Variants in TANC2 observed in about 807,000 individuals in gnomAD.
TANC2 encodes protein TANC2.
A neutral mutation model predicts 210.5 loss-of-function variants in TANC2; 26 were observed. That is an observed-to-expected ratio of 0.12 (90% CI 0.09 to 0.17). The LOEUF (loss-of-function observed/expected upper bound fraction) is 0.17, where lower values mean the gene tolerates loss of function less well. Among genes scored for constraint, TANC2 ranks in the 10% least tolerant of loss-of-function variants. The probability of loss-of-function intolerance (pLI) is 1.00; values close to 1 mark genes in which losing one functional copy is unlikely to be tolerated. For synonymous variants in TANC2, 931 were observed against 967.1 expected, an observed-to-expected ratio of 0.96 and a Z score of 0.69; for missense variants, 2,129 against 2,608.9, an observed-to-expected ratio of 0.82 and a Z score of 4.01.
At chr17:63,264,340 G>A (rs543653054) in intron 8 of TANC2, among the ~76,000 whole-genome samples, 6 of 152,164 alleles carry the variant, frequency 3.9e-5, no homozygotes, top group Non-Finnish European at 8.8e-5. Context: ...ATGAGAAAGA[G>A]CATGTATATA....
At chr17:63,186,251 A>G (rs972890853) in intron 5 of TANC2, among the ~76,000 whole-genome samples, 3 of 151,746 alleles carry the variant, frequency 2.0e-5, no homozygotes, top group African/African-American at 7.3e-5. Context: ...ACTCTGTTCC[A>G]TTGACCACCT....
chr17:63,117,231 CTG>C (rs2038286127), intron 4 of TANC2: 1 of 152,190 alleles, frequency 6.6e-6, no homozygotes, highest in Admixed American at 6.5e-5. Context: ...ATCATTCACT[CTG>C]TTAACGCTGC....
intron 14 of TANC2, among the ~76,000 whole-genome samples, chr17:63,362,926 G>GT (rs912630550): frequency 4.6e-5 from 7 of 151,924 alleles, no homozygotes; most frequent in Non-Finnish European, 7.4e-5. Context: ...TCTATTTATA[G>GT]TTTTTTTTAG....
intron 11 of TANC2, among the ~76,000 whole-genome samples, chr17:63,335,157 A>G (rs1032026988): frequency 5.3e-5 from 8 of 152,230 alleles, no homozygotes; most frequent in African/African-American, 1.9e-4. Context: ...CCACCAGTAG[A>G]AAAACATCAC....
At chr17:63,021,886 A>G (rs1051522017) in intron 2 of TANC2, among the ~76,000 whole-genome samples, 8 of 152,186 alleles carry the variant, frequency 5.3e-5, no homozygotes, top group Non-Finnish European at 1.2e-4. Flanking sequence ...TGAGCAGAAT[A>G]TTGATAGAAA....
chr17:63,080,092 A>G (rs1180702312), intron 3 of TANC2, among the ~76,000 whole-genome samples: 2 of 152,072 alleles, frequency 1.3e-5, no homozygotes, highest in Non-Finnish European at 2.9e-5. Context: ...TTGGGTCTCC[A>G]TTTTTCCTAG....
intron 3 of TANC2, among the ~76,000 whole-genome samples, chr17:63,077,607 G>A (rs1399348878): frequency 6.6e-6 from 1 of 152,132 alleles, no homozygotes; most frequent in East Asian, 1.9e-4. Context: ...GAGTCTCAAG[G>A]TTGAAATGGT....
intron 1 of TANC2, among the ~76,000 whole-genome samples, chr17:63,001,480 G>T (rs912639337): frequency 1.3e-5 from 2 of 150,736 alleles, no homozygotes; most frequent in East Asian, 3.9e-4. Flanking sequence ...AGGTGTTGTG[G>T]TTAAAAAGAT....
intron 9 of TANC2, among the ~76,000 whole-genome samples, chr17:63,303,782 T>C (rs909098322): frequency 6.6e-6 from 1 of 151,826 alleles, no homozygotes; most frequent in Non-Finnish European, 1.5e-5. Context: ...TTCTTGGAGG[T>C]TTTTTTGTTC....
At chr17:63,280,540 A>G (rs878980610) in intron 9 of TANC2, among the ~76,000 whole-genome samples, 5 of 151,992 alleles carry the variant, frequency 3.3e-5, no homozygotes, top group Admixed American at 3.3e-4. Flanking sequence ...AGTCCTTCCC[A>G]CCATCCTTTG....
At chr17:63,335,544 C>T (rs1228722356) in intron 11 of TANC2, among the ~76,000 whole-genome samples, 2 of 150,152 alleles carry the variant, frequency 1.3e-5, no homozygotes, top group Non-Finnish European at 3.0e-5. Context: ...ACCTGGGAGG[C>T]GGAGGTTGCA....
At chr17:63,345,229 A>T (rs1218539469) in intron 12 of TANC2, among the ~76,000 whole-genome samples, 1 of 152,240 alleles carries the variant, frequency 6.6e-6, no homozygotes, top group African/African-American at 2.4e-5. Context: ...CAGCAAAAAT[A>T]TTGCAGAGTG....
chr17:63,144,438 C>G (rs998730349), intron 4 of TANC2, among the ~76,000 whole-genome samples: 5 of 152,102 alleles, frequency 3.3e-5, no homozygotes, highest in African/African-American at 1.2e-4. Flanking sequence ...ACAGAGAAAT[C>G]AGATATCTAA....
At chr17:63,246,731 C>G (rs1174784980) in intron 8 of TANC2, among the ~76,000 whole-genome samples, 1 of 151,962 alleles carries the variant, frequency 6.6e-6, no homozygotes, top group Non-Finnish European at 1.5e-5. Context: ...ACATTGTTTC[C>G]AATTTTGGTC....
chr17:63,416,350 G>T (rs1303927340), intron 26 of TANC2, among the ~76,000 whole-genome samples: 1 of 152,132 alleles, frequency 6.6e-6, no homozygotes, highest in Non-Finnish European at 1.5e-5. Context: ...CCTCTCTCAG[G>T]TTTTGGAAAT....
chr17:63,008,091 T>C (rs2033705729), intron 1 of TANC2, among the ~76,000 whole-genome samples: 1 of 151,912 alleles, frequency 6.6e-6, no homozygotes, highest in South Asian at 2.1e-4. Flanking sequence ...ACTTTAAATG[T>C]GTTTTTTGGG....
chr17:63,073,212 A>G, intron 2 of TANC2, among the ~76,000 whole-genome samples: 1 of 152,156 alleles, frequency 6.6e-6, no homozygotes, highest in South Asian at 2.1e-4. Context: ...CATTCTTAAT[A>G]TATTAATTTC....
intron 14 of TANC2, among the ~76,000 whole-genome samples, chr17:63,361,800 G>A (rs1183092036): frequency 2.0e-5 from 3 of 152,254 alleles, no homozygotes; most frequent in Non-Finnish European, 2.9e-5. Flanking sequence ...CAACTGGAGA[G>A]TGAGCAATGC....
chr17:63,119,183 C>T (rs1318076412), intron 4 of TANC2, among the ~76,000 whole-genome samples: 1 of 152,190 alleles, frequency 6.6e-6, no homozygotes, highest in African/African-American at 2.4e-5. Context: ...CTTGGCCTCC[C>T]CAAGTGCTGG....
Sources: gnomAD v4.1 joint callset for allele counts (sites outside exome capture counted in the v4.1 genomes callset) on GRCh38, gnomAD v4.1.1 for gene constraint, MANE v1.5 for transcripts, NCBI Gene and HGNC (gene_info 2026-07-23, HGNC 2026-07-21) for gene names.